FAAH2: variants seen among roughly 807,000 people sequenced by gnomAD.
The protein encoded by FAAH2 is fatty acid amide hydrolase 2.
A neutral mutation model predicts 36.9 loss-of-function variants in FAAH2; 60 were observed. The observed-to-expected ratio is 1.63, with a 90% CI of 1.32 to 2.02. The LOEUF (loss-of-function observed/expected upper bound fraction) is 2.02. Ranked by LOEUF, FAAH2 falls within the 30% of genes most tolerant of loss-of-function variation. FAAH2 has a pLI of 0.00. For missense variants in FAAH2, 689 were observed against 397.5 expected, an observed-to-expected ratio of 1.73 and a Z score of -6.23; for synonymous variants, 214 against 143.8, an observed-to-expected ratio of 1.49 and a Z score of -3.49.
the FAAH2 span, among the ~76,000 whole-genome samples, chrX:57,187,505 C>A: frequency 2.7e-5 from 3 of 111,307 alleles, no homozygotes; most frequent in Non-Finnish European, 5.7e-5. Flanking sequence ...ATCATTTTAT[C>A]TTCTAACAGA....
intron 5 of FAAH2, among the ~76,000 whole-genome samples, chrX:57,342,341 G>A (rs2053708510): frequency 9.0e-6 from 1 of 111,216 alleles, no homozygotes; most frequent in Non-Finnish European, 1.9e-5. Flanking sequence ...GCACATAGAG[G>A]GGAACAACAA....
At chrX:57,226,057 A>G in the FAAH2 span, among the ~76,000 whole-genome samples, 1 of 112,035 alleles carries the variant, frequency 8.9e-6, no homozygotes, top group Non-Finnish European at 1.9e-5. Flanking sequence ...TCTCCTGAAG[A>G]CAGTAGACGG....
chrX:57,412,446 C>G (rs1415955182), intron 7 of FAAH2, among the ~76,000 whole-genome samples: 3 of 111,053 alleles, frequency 2.7e-5, no homozygotes, highest in African/African-American at 9.8e-5. Flanking sequence ...TTGTTCAACT[C>G]CCAGTTATGA....
chrX:57,324,082 A>G (rs1258904238), intron 3 of FAAH2, among the ~76,000 whole-genome samples: 2 of 111,955 alleles, frequency 1.8e-5, no homozygotes, highest in African/African-American at 3.2e-5. Flanking sequence ...TCCCAGCACC[A>G]TTTATTAAAT....
the FAAH2 span, among the ~76,000 whole-genome samples, chrX:57,278,101 G>A: frequency 1.6e-4 from 18 of 111,590 alleles, no homozygotes; most frequent in Non-Finnish European, 3.4e-4. Flanking sequence ...CCAAAAAAGA[G>A]CCCTCATTGC....
intron 7 of FAAH2, among the ~76,000 whole-genome samples, chrX:57,407,674 G>T (rs1000780089): frequency 9.0e-6 from 1 of 111,577 alleles, no homozygotes; most frequent in Non-Finnish European, 1.9e-5. Context: ...CTGGCATTTG[G>T]CATCTCTAGT....
chrX:57,458,214 T>C (rs1019435786), intron 10 of FAAH2, among the ~76,000 whole-genome samples: 29 of 112,037 alleles, frequency 2.6e-4, no homozygotes, highest in African/African-American at 9.4e-4. Flanking sequence ...CTCTATTCAA[T>C]AAATGGTACT....
chrX:57,473,394 T>C (rs968425726), intron 10 of FAAH2, among the ~76,000 whole-genome samples: 2 of 111,840 alleles, frequency 1.8e-5, no homozygotes, highest in East Asian at 5.6e-4. Context: ...GAGAAGAGAC[T>C]TGATATTATT....
the FAAH2 span, among the ~76,000 whole-genome samples, chrX:57,125,435 T>G: frequency 9.0e-6 from 1 of 111,342 alleles, no homozygotes; most frequent in African/African-American, 3.3e-5. Context: ...AAGTAAGGGG[T>G]TGGGGGGTTA....
intron 10 of FAAH2, among the ~76,000 whole-genome samples, chrX:57,457,926 T>A (rs972339087): frequency 4.5e-5 from 5 of 112,042 alleles, no homozygotes; most frequent in Non-Finnish European, 7.5e-5. Flanking sequence ...ATGCCATTTT[T>A]ACAAAATTTG....
the FAAH2 span, among the ~76,000 whole-genome samples, chrX:57,263,959 A>T: frequency 8.9e-6 from 1 of 111,892 alleles, no homozygotes; most frequent in Non-Finnish European, 1.9e-5. Context: ...AGTCTTTTAA[A>T]CACATGGTTT....
At chrX:57,464,518 C>CAAAAAAAAAAAAAA (rs5902566) in intron 10 of FAAH2, among the ~76,000 whole-genome samples, 1 of 60,962 alleles carries the variant, frequency 1.6e-5, no homozygotes, top group Non-Finnish European at 2.9e-5. Context: ...ATAGCAATTG[C>CAAAAAAAAAAAAAA]AAAAAAAAAA....
At chrX:57,146,003 A>AT in the FAAH2 span, among the ~76,000 whole-genome samples, 27 of 101,885 alleles carry the variant, frequency 2.7e-4, no homozygotes, top group East Asian at 9.2e-4. Flanking sequence ...ATGCCTCCAA[A>AT]TTTTTTTTTT....
intron 2 of FAAH2, among the ~76,000 whole-genome samples, chrX:57,303,995 T>C (rs2052450064): frequency 9.0e-6 from 1 of 110,918 alleles, no homozygotes; most frequent in Admixed American, 9.7e-5. Context: ...TTACCTGAGG[T>C]CAGGAGTTCG....
At chrX:57,177,603 TATATATATATAC>T in the FAAH2 span, among the ~76,000 whole-genome samples, 1 of 74,647 alleles carries the variant, frequency 1.3e-5, no homozygotes, top group Non-Finnish European at 2.3e-5. Context: ...TATATATATA[TATATATATATAC>T]CTCCAATAAA....
chrX:57,249,739 G>C, the FAAH2 span, among the ~76,000 whole-genome samples: 1 of 111,734 alleles, frequency 8.9e-6, no homozygotes, highest in Non-Finnish European at 1.9e-5. Flanking sequence ...TACTATGTTT[G>C]CTTGACTTTT....
chrX:57,146,573 T>C, the FAAH2 span, among the ~76,000 whole-genome samples: 1 of 112,075 alleles, frequency 8.9e-6, no homozygotes, highest in Non-Finnish European at 1.9e-5. Context: ...TCTTGTCTGA[T>C]TGCTCTTGCT....
chrX:57,257,947 T>C, the FAAH2 span, among the ~76,000 whole-genome samples: 1 of 112,157 alleles, frequency 8.9e-6, no homozygotes, highest in African/African-American at 3.2e-5. Flanking sequence ...TCCAACATCA[T>C]TCTTACAGAA....
chrX:57,486,595 T>C (rs1019602253), intron 10 of FAAH2, among the ~76,000 whole-genome samples: 3 of 111,566 alleles, frequency 2.7e-5, no homozygotes, highest in African/African-American at 9.8e-5. Context: ...TTCTAACAAA[T>C]CTCAGGTGCC....
Sources: allele counts gnomAD v4.1 joint callset (sites outside exome capture counted in the v4.1 genomes callset), GRCh38; gene constraint gnomAD v4.1.1; transcripts MANE v1.5; gene names NCBI Gene and HGNC (gene_info 2026-07-23, HGNC 2026-07-21).